LRRC7: variants seen among roughly 807,000 people sequenced by gnomAD.
The protein encoded by LRRC7 is leucine rich repeat containing 7.
A neutral mutation model predicts 175.7 loss-of-function variants in LRRC7; 23 were observed. That is an observed-to-expected ratio of 0.13 (90% CI 0.09 to 0.19). The LOEUF (loss-of-function observed/expected upper bound fraction) is 0.19, where lower values mean the gene tolerates loss of function less well. Ranked by LOEUF, LRRC7 falls within the 10% of genes least tolerant of loss-of-function variation. The pLI is 1.00. For missense variants in LRRC7, 1,354 were observed against 1,904.7 expected (o/e 0.71, Z 5.38); for synonymous variants, 685 against 680.9 (o/e 1.01, Z -0.09).
At chr1:69,689,817 T>C (rs1661616211) in intron 2 of LRRC7, among the ~76,000 whole-genome samples, 1 of 152,190 alleles carries the variant, frequency 6.6e-6, no homozygotes, top group Non-Finnish European at 1.5e-5. Context: ...TTAAACAGTG[T>C]CGTAACAATA....
chr1:70,067,749 G>A (rs1007679296), intron 23 of LRRC7, among the ~76,000 whole-genome samples: 1 of 152,020 alleles, frequency 6.6e-6, no homozygotes, highest in Non-Finnish European at 1.5e-5. Context: ...CATAAGTATA[G>A]TCTGTCTCTC....
chr1:70,081,086 T>C (rs1663175545), intron 24 of LRRC7, among the ~76,000 whole-genome samples: 2 of 152,222 alleles, frequency 1.3e-5, no homozygotes, highest in African/African-American at 4.8e-5. Context: ...GATAAACTGA[T>C]TTTAATAGGC....
At chr1:70,071,365 G>A (rs1662374248) in intron 23 of LRRC7, among the ~76,000 whole-genome samples, 2 of 151,994 alleles carry the variant, frequency 1.3e-5, no homozygotes, top group Admixed American at 1.3e-4. Flanking sequence ...ATTTATTTAT[G>A]TGTAATGCCC....
chr1:69,949,393 G>A (rs1205675270), intron 8 of LRRC7, among the ~76,000 whole-genome samples: 5 of 152,198 alleles, frequency 3.3e-5, no homozygotes, highest in African/African-American at 1.2e-4. Flanking sequence ...CCAACATGGC[G>A]AAATCCTGTC....
chr1:69,985,489 G>A (rs899997008), intron 9 of LRRC7, among the ~76,000 whole-genome samples: 1 of 152,136 alleles, frequency 6.6e-6, no homozygotes, highest in Non-Finnish European at 1.5e-5. Flanking sequence ...TTTTCTAACT[G>A]CTGCATTGAG....
At chr1:70,073,195 G>A (rs1354720542) in intron 23 of LRRC7, among the ~76,000 whole-genome samples, 28 of 152,160 alleles carry the variant, frequency 1.8e-4, no homozygotes, top group Admixed American at 1.8e-3. Context: ...CATTTACACT[G>A]AGTGTTTGGG....
At chr1:70,044,695 T>C (rs1361094345) in intron 22 of LRRC7, among the ~76,000 whole-genome samples, 1 of 152,124 alleles carries the variant, frequency 6.6e-6, no homozygotes, top group African/African-American at 2.4e-5. Flanking sequence ...TAGATGAAAA[T>C]GTGGGAACAC....
intron 2 of LRRC7, among the ~76,000 whole-genome samples, chr1:69,746,305 G>T (rs1320402649): frequency 1.3e-5 from 2 of 151,528 alleles, no homozygotes. Flanking sequence ...TGATCCTTTG[G>T]GTCAAGTTTT....
chr1:69,796,620 A>G lies in LRRC7; in HGVS notation c.421+4460A>G, dbSNP rs115130334. ...GCCAACATGGAGAAGCCCTGCCTCTACTAAAAATACAACAAGAAGAAAAAT... is the reference window on the plus strand; with the variant it reads ...GCCAACATGGAGAAGCCCTGCCTCTGCTAAAAATACAACAAGAAGAAAAAT... On this transcript the variant is annotated intron_variant, in intron 4 of 26. Transcript: ENST00000651989. Among the ~76,000 whole-genome samples, 1,437 of 152,166 alleles carry G rather than the reference A, an allele frequency of 9.4e-3. 25 individuals are homozygous for G. Among genetic ancestry groups the G allele is most frequent in the African/African-American group, 0.032 (1,336 of 41,522 alleles).
chr1:70,004,733 C>A (rs1350573723), intron 11 of LRRC7, among the ~76,000 whole-genome samples: 1 of 151,342 alleles, frequency 6.6e-6, no homozygotes, highest in East Asian at 2.0e-4. Context: ...CCCCCCGGCT[C>A]TCTCTCCCTC....
intron 2 of LRRC7, among the ~76,000 whole-genome samples, chr1:69,725,081 T>C (rs1323960052): frequency 3.9e-5 from 6 of 151,998 alleles, no homozygotes; most frequent in African/African-American, 1.4e-4. Context: ...ATACATGTTT[T>C]ATATATATAT....
intron 5 of LRRC7, among the ~76,000 whole-genome samples, chr1:69,828,074 GA>G (rs1484126417): frequency 2.0e-5 from 3 of 151,932 alleles, no homozygotes; most frequent in African/African-American, 7.2e-5. Flanking sequence ...TAATGATTTT[GA>G]AATTTATTTG....
chr1:69,994,673 C>T (rs779686430), intron 11 of LRRC7, 40 bp downstream of exon 11: 1 of 1,367,670 alleles, frequency 7.3e-7, no homozygotes, highest in Non-Finnish European at 1.0e-6. Flanking sequence ...CTCTCAAAAG[C>T]CAGAAACTAA....
chr1:69,975,572 T>C (rs1044784121), intron 8 of LRRC7, among the ~76,000 whole-genome samples: 1 of 152,238 alleles, frequency 6.6e-6, no homozygotes, highest in African/African-American at 2.4e-5. Flanking sequence ...ATCATTGATA[T>C]AACTCTTTTG....
At chr1:69,765,535 T>C in intron 3 of LRRC7, among the ~76,000 whole-genome samples, 1 of 152,076 alleles carries the variant, frequency 6.6e-6, no homozygotes, top group East Asian at 1.9e-4. Flanking sequence ...ATCACTAATT[T>C]AAAGGATAGA....
intron 4 of LRRC7, among the ~76,000 whole-genome samples, chr1:69,810,024 C>T (rs1677638667): frequency 6.6e-6 from 1 of 152,112 alleles, no homozygotes; most frequent in African/African-American, 2.4e-5. Flanking sequence ...TAAAAAACCC[C>T]ATCGTCTCAG....
At chr1:70,015,005 C>T (rs1656842283) in intron 13 of LRRC7, among the ~76,000 whole-genome samples, 1 of 152,006 alleles carries the variant, frequency 6.6e-6, no homozygotes, top group African/African-American at 2.4e-5. Flanking sequence ...AATTGACATT[C>T]TGCTTTTAAT....
intron 3 of LRRC7, among the ~76,000 whole-genome samples, chr1:69,787,057 G>C (rs1423548365): frequency 3.9e-5 from 6 of 152,220 alleles, no homozygotes; most frequent in Non-Finnish European, 7.3e-5. Context: ...GGTAAATACA[G>C]CCATTCCAAA....
chr1:69,873,600 C>T, intron 7 of LRRC7: 1 of 478,336 alleles, frequency 2.1e-6, no homozygotes, highest in Non-Finnish European at 4.4e-6. Context: ...CACGAATAGA[C>T]TTTGTAGAGG....
Sources: allele counts gnomAD v4.1 joint callset (sites outside exome capture counted in the v4.1 genomes callset), GRCh38; gene constraint gnomAD v4.1.1; transcripts MANE v1.5; gene names NCBI Gene and HGNC (gene_info 2026-07-23, HGNC 2026-07-21).